Variants in GREB1 observed in about 807,000 individuals in gnomAD.
GREB1 encodes growth regulating estrogen receptor binding 1.
In GREB1, 106 loss-of-function variants were observed where a neutral mutation model predicts 200.7. The ratio of observed to expected loss-of-function variants is 0.53; its 90% confidence interval spans 0.45 to 0.62. GREB1 has a LOEUF of 0.62. Ranked by LOEUF, GREB1 falls within the 20% of genes least tolerant of loss-of-function variation. The probability of loss-of-function intolerance (pLI) is 0.00; values close to 1 mark genes in which losing one functional copy is unlikely to be tolerated. For missense variants in GREB1, 2,243 were observed against 2,556.8 expected (o/e 0.88, Z 2.65); for synonymous variants, 1,132 against 1,092.4 (o/e 1.04, Z -0.72).
chr2:11,550,200 A>G (rs1049118240), intron 1 of GREB1, among the ~76,000 whole-genome samples: 2 of 152,216 alleles, frequency 1.3e-5, no homozygotes, highest in African/African-American at 4.8e-5. Context: ...CTGGGAAACA[A>G]GAGCGAAACT....
intron 23 of GREB1, among the ~76,000 whole-genome samples, chr2:11,623,490 CCTT>C (rs1322830989): frequency 6.6e-6 from 1 of 152,126 alleles, no homozygotes; most frequent in African/African-American, 2.4e-5. Flanking sequence ...CCCCTGAAGA[CCTT>C]CTAGTGGGAC....
chr2:11,595,455 C>T (rs1681126754), intron 12 of GREB1, 76 bp downstream of exon 12: 5 of 1,462,532 alleles, frequency 3.4e-6, no homozygotes, highest in Non-Finnish European at 4.7e-6. Context: ...GTCATCTCTG[C>T]CTCACCCTGC....
intron 16 of GREB1, 29 bp downstream of exon 16, chr2:11,601,024 G>A (rs763964408): frequency 1.0e-5 from 16 of 1,573,710 alleles, no homozygotes; most frequent in Non-Finnish European, 1.2e-5. Context: ...CTGGGCCCTT[G>A]TGTAGCAATA....
rs372119552 is a variant in GREB1 at position 11,610,998 on chromosome 2, G to A, written c.2977G>A (p.Val993Met). 68 of 1,600,786 alleles carry A rather than the reference G, an allele frequency of 4.2e-5. No homozygotes were observed. In the African/African-American group the frequency reaches 6.8e-4, roughly 16 times the overall value. ...ILGSPSSGVT[V>M]GKHFVKQLRM... ...GGGCAGTCCCAGCTCAGGCGTCACC[G>A]TGGGGAAGCACTTCGTAAAGCAGCT... The change falls in exon 18 of 33, where the codon GTG (valine) becomes ATG (methionine). Residue 993 changes from valine (V) to methionine (M), a missense_variant. Physicochemically the swap from Val to Met is conservative, Grantham distance 21. Coordinates refer to ENST00000381486, the MANE Select transcript of GREB1 (RefSeq NM_014668.4).
chr2:11,530,565 CAAAAA>C (rs34552685), upstream of GREB1, among the ~76,000 whole-genome samples: 2 of 97,104 alleles, frequency 2.1e-5, no homozygotes. Flanking sequence ...GACTCGGTCT[CAAAAA>C]AAAAAAAAAA....
At chr2:11,539,062 T>C (rs62118295) in intron 1 of GREB1, among the ~76,000 whole-genome samples, 1,382 of 135,486 alleles carry the variant, frequency 0.01, 18 homozygotes, top group East Asian at 0.048. Context: ...TCTTCTCTTC[T>C]CTTCTCTTAT....
chr2:11,607,422 ATATG>A (rs1223476206), intron 17 of GREB1, among the ~76,000 whole-genome samples: 5 of 88,070 alleles, frequency 5.7e-5, no homozygotes, highest in Admixed American at 4.1e-4. Flanking sequence ...TTCATCCAGT[ATATG>A]TATGTGTGTG....
intron 11 of GREB1, 42 bp downstream of exon 11, chr2:11,593,168 G>A (rs1375708175): frequency 8.2e-6 from 11 of 1,337,674 alleles, no homozygotes; most frequent in Non-Finnish European, 1.0e-5. Context: ...CCCCCTGAAC[G>A]GTGTTCCCGG....
At chr2:11,616,080 G>A (rs192207307) in intron 20 of GREB1, among the ~76,000 whole-genome samples, 2 of 152,370 alleles carry the variant, frequency 1.3e-5, no homozygotes, top group African/African-American at 4.8e-5. Context: ...TCTGCTGCAC[G>A]TCTCCGTGCT....
chr2:11,604,632 A>G (rs1255539269), intron 17 of GREB1, among the ~76,000 whole-genome samples: 2 of 152,176 alleles, frequency 1.3e-5, no homozygotes, highest in Non-Finnish European at 2.9e-5. Flanking sequence ...CAACCACCTC[A>G]TTTTATAATT....
In GREB1 at chr2:11,625,161, AG is replaced by A. The variant is rs1431735207; in HGVS notation, c.4156del (p.Glu1386LysfsTer39). On this transcript the variant is annotated frameshift_variant, in exon 24 of 33. Coordinates refer to ENST00000381486, the MANE Select transcript of GREB1 (RefSeq NM_014668.4). LOFTEE classifies it high-confidence loss of function. ...TTTCTACCAATCTTGTAGACCTCAG[AG>A]AAGAATCTGACTGGCATTATCTCCA... ...DEEEININLR[E>X]ESDWHYLQLS... 1 of 1,613,188 alleles carries A rather than the reference AG, an allele frequency of 6.2e-7. No individual in the cohort carries two copies. Among genetic ancestry groups the A allele is most frequent in the Admixed American group, 1.7e-5 (1 of 59,992 alleles).
At chr2:11,531,509 G>GA (rs199595510), upstream of GREB1, among the ~76,000 whole-genome samples, 11 of 151,020 alleles carry the variant, frequency 7.3e-5, no homozygotes, top group East Asian at 1.9e-4. Flanking sequence ...TTAGAAACAA[G>GA]AAAAAAAAAT....
chr2:11,587,741 A>ACACACACACACGCGCGCGCGCGCG, intron 9 of GREB1: 2 of 772,876 alleles, frequency 2.6e-6, no homozygotes, highest in South Asian at 4.5e-5. Context: ...ACACACACAC[A>ACACACACACACGCGCGCGCGCGCG]CGCCACCTTT....
Position 11,580,896 on chromosome 2 carries a change from G to C in GREB1, c.901+64G>C, listed in dbSNP as rs772106391. ...CTTCTTTGGGCCAAGGCCAGAGGGGGCATGGGAGCTGCTGGGCTGGGGCCG... is the reference window on the plus strand; with the variant it reads ...CTTCTTTGGGCCAAGGCCAGAGGGGCCATGGGAGCTGCTGGGCTGGGGCCG... On this transcript the variant is annotated intron_variant, in intron 7 of 32. Coordinates refer to ENST00000381486, the MANE Select transcript of GREB1 (RefSeq NM_014668.4). The surrounding 1 kb of genome is among the most constrained non-coding windows in gnomAD (Gnocchi z 4.5). The C allele has an allele frequency of 6.9e-6, 11 of 1,601,298 alleles. No individual in the cohort carries two copies. Among genetic ancestry groups the C allele is most frequent in the Admixed American group, 5.0e-5 (3 of 59,564 alleles).
chr2:11,525,569 C>G (rs1673846396), intron 1 of GREB1, among the ~76,000 whole-genome samples: 1 of 151,738 alleles, frequency 6.6e-6, no homozygotes, highest in Non-Finnish European at 1.5e-5. Flanking sequence ...TTGGAATGAC[C>G]TACTCTGTTG....
chr2:11,590,821 GTGAATGT>G (rs1199260900), intron 10 of GREB1, among the ~76,000 whole-genome samples: 1 of 152,172 alleles, frequency 6.6e-6, no homozygotes, highest in Non-Finnish European at 1.5e-5. Context: ...TGAGGAATGG[GTGAATGT>G]TGATAAGAAG....
upstream of GREB1, among the ~76,000 whole-genome samples, chr2:11,532,875 GT>G (rs1674127477): frequency 1.3e-5 from 2 of 152,204 alleles, no homozygotes; most frequent in Admixed American, 1.3e-4. Context: ...ATGGCAGACG[GT>G]GTAAAAGGTG....
At position 11,640,791 on chromosome 2, in the gene GREB1, T is replaced by G. The variant is rs1685761872; in HGVS notation, c.*337T>G. On this transcript the variant is annotated 3_prime_UTR_variant, in exon 33 of 33. Coordinates refer to ENST00000381486, the MANE Select transcript of GREB1 (RefSeq NM_014668.4). This position sits in a 1 kb window ranked among gnomAD's most constrained non-coding sequence, Gnocchi z 4.6. ...ACAAACCTGATTTTTTTCTCTTAGT[T>G]CTAAAGAATCTTGGGTTATTTTGTA... 1.2e-5 allele frequency: 3 copies of G among 241,820 alleles called. No homozygotes were observed. In the South Asian group the frequency reaches 2.3e-4, roughly 19 times the overall value. The allele number at this position is 241,820 out of a possible 1,614,324, so 15.0% of individuals were successfully genotyped here.
rs967293252 is a variant in GREB1 at position 11,599,237 on chromosome 2, G to A, written c.2333+377G>A. Reference sequence around the variant, plus strand: ...AAGGAGCCATGCTGGTGTGGGGTGCGGAGGGTCCTAGCAGGAGTAGCTCAG... The same window carrying A: ...AAGGAGCCATGCTGGTGTGGGGTGCAGAGGGTCCTAGCAGGAGTAGCTCAG... On this transcript the variant is annotated intron_variant, in intron 15 of 32. Transcript: ENST00000381486. 6.6e-5 allele frequency among the ~76,000 whole-genome samples: 10 copies of A among 152,122 alleles called. No individual in the cohort carries two copies. In the East Asian group the frequency reaches 7.7e-4, roughly 12 times the overall value.
Sources: allele counts gnomAD v4.1 joint callset (sites outside exome capture counted in the v4.1 genomes callset), GRCh38; gene constraint gnomAD v4.1.1; non-coding constraint Gnocchi (gnomAD v3.1); transcripts MANE v1.5; gene names NCBI Gene and HGNC (gene_info 2026-07-23, HGNC 2026-07-21).